PPP3CC: variants seen among roughly 807,000 people sequenced by gnomAD.
PPP3CC encodes the protein protein phosphatase 3 catalytic subunit gamma.
PPP3CC carries 35 observed loss-of-function variants against 60.3 expected under a neutral mutation model. The ratio of observed to expected loss-of-function variants is 0.58; its 90% CI spans 0.44 to 0.77. The LOEUF is 0.77. Ranked by LOEUF, PPP3CC falls within the 30% of genes least tolerant of loss-of-function variation. PPP3CC has a pLI of 0.00. For missense variants in PPP3CC, 570 were observed against 628.9 expected (o/e 0.91, Z 1.00); for synonymous variants, 206 against 224.3 (o/e 0.92, Z 0.73).
chr8:22,485,890 T>C (rs552698261), intron 3 of PPP3CC, among the ~76,000 whole-genome samples: 16 of 152,266 alleles, frequency 1.1e-4, no homozygotes, highest in African/African-American at 3.6e-4. Context: ...CCAGTTTTGA[T>C]TGGTGAGTGA....
chr8:22,506,553 C>T (rs1838926311), intron 4 of PPP3CC, among the ~76,000 whole-genome samples: 1 of 152,160 alleles, frequency 6.6e-6, no homozygotes, highest in African/African-American at 2.4e-5. Flanking sequence ...ATGCATAGAA[C>T]ATCTTTGTAA....
At chr8:22,534,642 G>T (rs1839805089) in intron 12 of PPP3CC, among the ~76,000 whole-genome samples, 1 of 152,208 alleles carries the variant, frequency 6.6e-6, no homozygotes, top group Non-Finnish European at 1.5e-5. Context: ...GCATGGGAAT[G>T]TTCACTGTAG....
chr8:22,508,743 G>A (rs1487535864), intron 4 of PPP3CC, among the ~76,000 whole-genome samples: 1 of 152,308 alleles, frequency 6.6e-6, no homozygotes, highest in South Asian at 2.1e-4. Flanking sequence ...GGGAACTCTG[G>A]TTCCTAGGAT....
intron 6 of PPP3CC, among the ~76,000 whole-genome samples, chr8:22,515,244 T>G (rs1378403680): frequency 6.6e-6 from 1 of 152,232 alleles, no homozygotes; most frequent in Non-Finnish European, 1.5e-5. Flanking sequence ...TGTGCCTGGC[T>G]TATTTCAGTT....
chr8:22,458,904 A>G (rs538888404), intron 1 of PPP3CC, among the ~76,000 whole-genome samples: 8 of 152,274 alleles, frequency 5.3e-5, no homozygotes, highest in South Asian at 2.1e-4. Context: ...ATTGTGGTCA[A>G]TGAATTTCTT....
In PPP3CC at chr8:22,514,685, C is replaced by CT. The variant is rs1178058958; in HGVS notation, c.770+1268dup. ...TATTTTTTGTTGTTTTTTTTTTCACCTTTTTTTTTTTTTTTCCTTTTTTGA... is the reference window on the plus strand; with the variant it reads ...TATTTTTTGTTGTTTTTTTTTTCACCTTTTTTTTTTTTTTTTCCTTTTTTGA... On this transcript the variant is annotated intron_variant, in intron 6 of 13. Coordinates refer to ENST00000240139, the MANE Select transcript of PPP3CC (RefSeq NM_005605.5). 6.1e-3 allele frequency among the ~76,000 whole-genome samples: 757 copies of CT among 124,080 alleles called. 8 individuals are homozygous for CT. Among genetic ancestry groups the CT allele is most frequent in the African/African-American group, 0.015 (515 of 33,722 alleles). The allele number at this position is 124,080 out of a possible 152,430, so 81.4% of individuals were successfully genotyped here.
chr8:22,450,631 G>A (rs943365610), intron 1 of PPP3CC, among the ~76,000 whole-genome samples: 1 of 152,118 alleles, frequency 6.6e-6, no homozygotes, highest in Non-Finnish European at 1.5e-5. Flanking sequence ...ATCGTGATCT[G>A]TGAACAATAT....
At chr8:22,495,381 AG>A (rs1435406813) in intron 3 of PPP3CC, among the ~76,000 whole-genome samples, 1 of 152,052 alleles carries the variant, frequency 6.6e-6, no homozygotes, top group Non-Finnish European at 1.5e-5. Flanking sequence ...ATGGTCATTT[AG>A]GTTGTTCCTA....
At chr8:22,520,768 T>C (rs1053431290) in intron 6 of PPP3CC, among the ~76,000 whole-genome samples, 3 of 152,240 alleles carry the variant, frequency 2.0e-5, no homozygotes, top group African/African-American at 7.2e-5. Flanking sequence ...GATGATTATT[T>C]TGGATTCTTT....
At chr8:22,522,986 A>G (rs1260064169) in intron 8 of PPP3CC, among the ~76,000 whole-genome samples, 1 of 152,196 alleles carries the variant, frequency 6.6e-6, no homozygotes, top group Non-Finnish European at 1.5e-5. Context: ...AATAGGTCAG[A>G]TTGATACTAC....
chr8:22,497,154 C>T (rs921108356), intron 3 of PPP3CC, among the ~76,000 whole-genome samples: 4 of 152,230 alleles, frequency 2.6e-5, no homozygotes, highest in East Asian at 1.9e-4. Flanking sequence ...CTCAGCCTCC[C>T]GAGTAGCTGG....
intron 10 of PPP3CC, among the ~76,000 whole-genome samples, chr8:22,529,543 G>A (rs1232682676): frequency 2.0e-5 from 3 of 152,116 alleles, no homozygotes; most frequent in African/African-American, 7.2e-5. Context: ...GAGTGCAGTG[G>A]CGCGATCTCT....
intron 6 of PPP3CC, among the ~76,000 whole-genome samples, chr8:22,515,043 C>T (rs2117101148): frequency 6.6e-6 from 1 of 152,226 alleles, no homozygotes; most frequent in South Asian, 2.1e-4. Context: ...TTGTTTAAAT[C>T]TCACAGTATC....
At chr8:22,504,462 T>G (rs1409390169) in intron 4 of PPP3CC, among the ~76,000 whole-genome samples, 1 of 151,770 alleles carries the variant, frequency 6.6e-6, no homozygotes, top group Non-Finnish European at 1.5e-5. Context: ...CCACCATGCC[T>G]GGCTAATTTT....
At chr8:22,503,976 C>G (rs1838836890) in intron 4 of PPP3CC, among the ~76,000 whole-genome samples, 1 of 152,148 alleles carries the variant, frequency 6.6e-6, no homozygotes, top group Non-Finnish European at 1.5e-5. Context: ...GCTTTTAGAA[C>G]TAGCATCTTA....
intron 6 of PPP3CC, among the ~76,000 whole-genome samples, chr8:22,518,062 T>G (rs549836390): frequency 6.6e-6 from 1 of 151,984 alleles, no homozygotes; most frequent in Non-Finnish European, 1.5e-5. Flanking sequence ...TTCATTTATC[T>G]TGAGGTTTTT....
chr8:22,477,585 T>A (rs909379149), intron 3 of PPP3CC, among the ~76,000 whole-genome samples: 6 of 152,314 alleles, frequency 3.9e-5, no homozygotes, highest in African/African-American at 1.4e-4. Context: ...CGGTAAAGAT[T>A]AGAAGAATAC....
intron 11 of PPP3CC, among the ~76,000 whole-genome samples, chr8:22,532,637 G>C (rs1186868587): frequency 6.6e-6 from 1 of 152,080 alleles, no homozygotes; most frequent in Non-Finnish European, 1.5e-5. Context: ...GTAATAATAG[G>C]CCCTAGCGCA....
chr8:22,488,890 A>T (rs1838300676), intron 3 of PPP3CC, among the ~76,000 whole-genome samples: 1 of 152,204 alleles, frequency 6.6e-6, no homozygotes, highest in Non-Finnish European at 1.5e-5. Flanking sequence ...CATGTATAGT[A>T]GTGAGGCTAT....
Sources: allele counts gnomAD v4.1 joint callset (sites outside exome capture counted in the v4.1 genomes callset), GRCh38; gene constraint gnomAD v4.1.1; transcripts MANE v1.5; gene names NCBI Gene and HGNC (gene_info 2026-07-23, HGNC 2026-07-21).